Variants in ANOS1 observed in about 807,000 individuals in gnomAD.
The protein encoded by ANOS1 is anosmin-1.
In ANOS1, 6 loss-of-function variants were observed where a neutral mutation model predicts 59.0. That is an observed-to-expected ratio of 0.10 (90% CI 0.06 to 0.20). The LOEUF (loss-of-function observed/expected upper bound fraction) is 0.20. ANOS1 is among the 10% of genes least tolerant of loss of function. ANOS1 has a pLI of 1.00. For missense variants in ANOS1, 433 were observed against 542.3 expected (o/e 0.80, Z 2.00); for synonymous variants, 217 against 223.4 (o/e 0.97, Z 0.25).
intron 1 of ANOS1, among the ~76,000 whole-genome samples, chrX:8,717,499 G>T (rs1602042201): frequency 9.1e-6 from 1 of 110,180 alleles, no homozygotes; most frequent in South Asian, 3.8e-4. Flanking sequence ...ACAACCAAAA[G>T]ATGTTCTCTA....
At chrX:8,667,610 G>C (rs769655277) in intron 2 of ANOS1, among the ~76,000 whole-genome samples, 1 of 111,741 alleles carries the variant, frequency 8.9e-6, no homozygotes, top group Admixed American at 9.5e-5. Context: ...AAGAGACGAA[G>C]TGTTGACTGT....
At chrX:8,678,654 A>C (rs1273462252) in intron 2 of ANOS1, among the ~76,000 whole-genome samples, 1 of 111,720 alleles carries the variant, frequency 9.0e-6, no homozygotes, top group Non-Finnish European at 1.9e-5. Flanking sequence ...TACAATGAGG[A>C]AAATGACAGC....
intron 2 of ANOS1, among the ~76,000 whole-genome samples, chrX:8,650,469 T>C (rs771134455): frequency 5.5e-4 from 62 of 111,968 alleles, no homozygotes; most frequent in Non-Finnish European, 4.7e-4. Flanking sequence ...CTGAAAAAGA[T>C]AAACAGGCTA....
intron 3 of ANOS1, among the ~76,000 whole-genome samples, chrX:8,608,624 T>C (rs761684582): frequency 5.3e-5 from 6 of 112,300 alleles, no homozygotes; most frequent in Non-Finnish European, 1.1e-4. Flanking sequence ...AGAAACTAAC[T>C]GATATGATTA....
At chrX:8,558,346 CTTCAT>C (rs1291823226) in intron 8 of ANOS1, among the ~76,000 whole-genome samples, 6 of 110,560 alleles carry the variant, frequency 5.4e-5, no homozygotes, top group Non-Finnish European at 1.1e-4. Flanking sequence ...TCCCAGTGTA[CTTCAT>C]TTCATCCTGT....
At chrX:8,561,466 A>ATTTTTT (rs34119310) in intron 8 of ANOS1, among the ~76,000 whole-genome samples, 3 of 67,059 alleles carry the variant, frequency 4.5e-5, no homozygotes, top group African/African-American at 5.7e-5. Flanking sequence ...TGCCCGGCTA[A>ATTTTTT]TTTTTTTTTT....
rs143546673 is a variant in ANOS1, at chrX:8,546,151, G to T, written c.1355-6393C>A. Among the ~76,000 whole-genome samples the T allele has an allele frequency of 1.2e-4, 13 of 112,077 alleles. No individual in the cohort carries two copies. In the East Asian group the frequency reaches 3.6e-3, roughly 31 times the overall value. ...TAGTAATACTGAGTCCATTTCAAAG[G>T]TCTCCTTTCCTACATGTGTGATAAT... On this transcript the variant is annotated intron_variant, in intron 9 of 13. Coordinates refer to ENST00000262648, the MANE Select transcript of ANOS1 (RefSeq NM_000216.4).
chrX:8,566,816 CA>C (rs1405505915), intron 8 of ANOS1, among the ~76,000 whole-genome samples: 4 of 111,713 alleles, frequency 3.6e-5, no homozygotes, highest in Admixed American at 9.5e-5. Context: ...CAAACCTGCC[CA>C]TTTGGATCCT....
At chrX:8,668,775 T>C (rs1932207382) in intron 2 of ANOS1, among the ~76,000 whole-genome samples, 1 of 109,752 alleles carries the variant, frequency 9.1e-6, no homozygotes, top group East Asian at 2.9e-4. Flanking sequence ...GGTGCCAGCT[T>C]CCAGAATACC....
intron 6 of ANOS1, among the ~76,000 whole-genome samples, chrX:8,573,754 C>T (rs930755323): frequency 1.7e-4 from 19 of 111,472 alleles, no homozygotes; most frequent in African/African-American, 4.2e-4. Flanking sequence ...ACACAGCCCA[C>T]CACTGACACC....
intron 7 of ANOS1, among the ~76,000 whole-genome samples, chrX:8,569,249 A>C (rs1930175490): frequency 8.9e-6 from 1 of 112,293 alleles, no homozygotes; most frequent in Non-Finnish European, 1.9e-5. Context: ...GTGATTCCCC[A>C]ATTTCAGCTC....
At chrX:8,554,326 ACCCAGGAAGCAC>A (rs1929906352) in intron 8 of ANOS1, among the ~76,000 whole-genome samples, 1 of 111,064 alleles carries the variant, frequency 9.0e-6, no homozygotes, top group African/African-American at 3.3e-5. Flanking sequence ...GCGTTGCCTC[ACCCAGGAAGCAC>A]AAGTGGTTGG....
At chrX:8,574,165 G>A (rs1272784057) in intron 6 of ANOS1, among the ~76,000 whole-genome samples, 1 of 110,559 alleles carries the variant, frequency 9.0e-6, no homozygotes, top group Non-Finnish European at 1.9e-5. Flanking sequence ...GTTTCTTGGA[G>A]AGGAAAACCG....
At chrX:8,700,063 G>A (rs766344275) in intron 1 of ANOS1, among the ~76,000 whole-genome samples, 15 of 112,153 alleles carry the variant, frequency 1.3e-4, no homozygotes, top group Admixed American at 3.8e-4. Context: ...TAGACGTTCC[G>A]CCAATAGTCA....
intron 1 of ANOS1, among the ~76,000 whole-genome samples, chrX:8,717,017 G>T (rs1168795066): frequency 9.0e-6 from 1 of 111,563 alleles, no homozygotes; most frequent in Non-Finnish European, 1.9e-5. Flanking sequence ...GTAGGGAGAG[G>T]CCAGGGATGC....
chrX:8,672,813 C>T (rs751542525), intron 2 of ANOS1, among the ~76,000 whole-genome samples: 15 of 111,848 alleles, frequency 1.3e-4, no homozygotes, highest in African/African-American at 4.9e-4. Flanking sequence ...GAGACCATAA[C>T]TGTTACTTGT....
Position 8,615,118 on chromosome X carries a change from C to G in ANOS1, c.318+8490G>C, listed in dbSNP as rs770419653. 3.4e-3 allele frequency among the ~76,000 whole-genome samples: 376 copies of G among 111,295 alleles called. 5 individuals are homozygous for G. The highest frequency in any genetic ancestry group is 0.012 in the African/African-American group (359 of 30,734). Reference sequence around the variant, plus strand: ...GAAGACTTAGATGAATTCTGCATCTCTTCATTGGTGCCCAAGTAACACCAT... The same window carrying G: ...GAAGACTTAGATGAATTCTGCATCTGTTCATTGGTGCCCAAGTAACACCAT... On this transcript the variant is annotated intron_variant, in intron 3 of 13. Transcript: ENST00000262648.
intron 3 of ANOS1, among the ~76,000 whole-genome samples, chrX:8,609,960 T>A (rs1418628982): frequency 1.2e-5 from 1 of 86,677 alleles, no homozygotes; most frequent in Non-Finnish European, 2.1e-5. Flanking sequence ...TGAGCCCAGA[T>A]TGTACCACTG....
At chrX:8,638,328 T>C (rs1931604816) in intron 2 of ANOS1, among the ~76,000 whole-genome samples, 1 of 112,339 alleles carries the variant, frequency 8.9e-6, no homozygotes, top group South Asian at 3.7e-4. Context: ...GTGTCACCAA[T>C]ATCATTTCTA....
Sources: gnomAD v4.1 joint callset for allele counts (sites outside exome capture counted in the v4.1 genomes callset) on GRCh38, gnomAD v4.1.1 for gene constraint, MANE v1.5 for transcripts, NCBI Gene and HGNC (gene_info 2026-07-23, HGNC 2026-07-21) for gene names.